The following GRM8 variants were observed in gnomAD, a reference collection of about 807,000 sequenced individuals.
GRM8 encodes metabotropic glutamate receptor 8.
Under a neutral mutation model 87.2 loss-of-function variants are expected in GRM8, and 47 were observed. That is an observed-to-expected ratio of 0.54 (90% CI 0.43 to 0.69). The LOEUF is 0.69. Ranked by LOEUF, GRM8 falls within the 30% of genes least tolerant of loss-of-function variation. The probability of loss-of-function intolerance (pLI) is 0.00; values close to 1 mark genes in which losing one functional copy is unlikely to be tolerated. For missense variants in GRM8, 1,019 were observed against 1,139.2 expected (o/e 0.89, Z 1.52); for synonymous variants, 396 against 404.5 (o/e 0.98, Z 0.25).
intron 3 of GRM8, among the ~76,000 whole-genome samples, chr7:127,053,341 A>T (rs981160819): frequency 1.3e-5 from 2 of 152,228 alleles, no homozygotes. Context: ...AAATCCATTG[A>T]TCTGGCATTG....
chr7:127,041,932 T>G (rs976781446), intron 3 of GRM8, among the ~76,000 whole-genome samples: 1 of 152,182 alleles, frequency 6.6e-6, no homozygotes, highest in South Asian at 2.1e-4. Context: ...TGAGCTCTGA[T>G]TGAGCTCTGT....
chr7:126,931,023 G>A (rs2237775), intron 3 of GRM8, among the ~76,000 whole-genome samples: 16,900 of 152,116 alleles, frequency 0.11, 1,031 homozygotes, highest in East Asian at 0.22. Context: ...ATCCTCTCAA[G>A]GGCAGTGAAA....
At chr7:126,971,953 C>T (rs1328328467) in intron 3 of GRM8, among the ~76,000 whole-genome samples, 1 of 152,162 alleles carries the variant, frequency 6.6e-6, no homozygotes, top group Non-Finnish European at 1.5e-5. Context: ...CCTTCAATCC[C>T]TTTGCCGTAT....
In GRM8 at chr7:126,899,015, T is replaced by A. The variant is rs544898793; in HGVS notation, c.1156+3527A>T. Among the ~76,000 whole-genome samples, 19 of 145,854 alleles carry A rather than the reference T, an allele frequency of 1.3e-4. 1 individual carries two copies. Among genetic ancestry groups the A allele is most frequent in the African/African-American group, 4.8e-4 (19 of 39,374 alleles). On this transcript the variant is annotated intron_variant, in intron 6 of 10. Transcript: ENST00000339582. ...TCATTGTTCAACTCCCACTTACGAG[T>A]GTAAAAAAAAAAAAAGAAAGAAAAT...
At chr7:127,181,808 T>C (rs918843004) in intron 2 of GRM8, among the ~76,000 whole-genome samples, 11 of 152,074 alleles carry the variant, frequency 7.2e-5, no homozygotes, top group Non-Finnish European at 1.5e-4. Context: ...AGAATGAAAC[T>C]GGATCCTCAT....
At chr7:126,894,779 G>A (rs1346213094) in intron 6 of GRM8, among the ~76,000 whole-genome samples, 7 of 152,050 alleles carry the variant, frequency 4.6e-5, no homozygotes, top group Admixed American at 3.3e-4. Flanking sequence ...ATGAAGGAAA[G>A]AAGCAAGTAT....
intron 9 of GRM8, among the ~76,000 whole-genome samples, chr7:126,501,742 G>A (rs1043219187): frequency 4.6e-5 from 7 of 151,966 alleles, no homozygotes; most frequent in Non-Finnish European, 8.8e-5. Flanking sequence ...CAGGCAGGGT[G>A]GCAGTTGGTG....
At chr7:126,502,885 G>C (rs1340990982) in intron 9 of GRM8, among the ~76,000 whole-genome samples, 1 of 151,972 alleles carries the variant, frequency 6.6e-6, no homozygotes, top group African/African-American at 2.4e-5. Flanking sequence ...GTTTCTATGG[G>C]AACAGTCCTG....
At chr7:126,440,619 T>C (rs897196159) in intron 10 of GRM8, among the ~76,000 whole-genome samples, 3 of 152,062 alleles carry the variant, frequency 2.0e-5, no homozygotes, top group Non-Finnish European at 4.4e-5. Context: ...TGTTTAGATA[T>C]ACAAATATCA....
chr7:127,091,869 C>T (rs933900099), intron 3 of GRM8, among the ~76,000 whole-genome samples: 26 of 100,936 alleles, frequency 2.6e-4, no homozygotes, highest in Non-Finnish European at 1.3e-4. Flanking sequence ...ACCCCCCCGC[C>T]GGCCCACTCA....
chr7:127,113,610 G>C (rs1826518104), intron 2 of GRM8, among the ~76,000 whole-genome samples: 1 of 152,070 alleles, frequency 6.6e-6, no homozygotes, highest in Non-Finnish European at 1.5e-5. Context: ...GTTTTTTCCA[G>C]TGAAAGATCA....
chr7:127,185,555 T>C (rs1292091816), intron 2 of GRM8, among the ~76,000 whole-genome samples: 1 of 152,178 alleles, frequency 6.6e-6, no homozygotes, highest in Admixed American at 6.5e-5. Flanking sequence ...CACCTTGAGT[T>C]TGACAACGAA....
At chr7:126,537,072 A>C (rs1051143723) in intron 8 of GRM8, among the ~76,000 whole-genome samples, 4 of 152,334 alleles carry the variant, frequency 2.6e-5, no homozygotes, top group Non-Finnish European at 4.4e-5. Flanking sequence ...ATTTTCCTTG[A>C]CAATTTTTTA....
At position 126,533,165 on chromosome 7, in the gene GRM8, C is replaced by T. The variant is rs150054661; in HGVS notation, c.2217G>A (p.Val739=). 1.1e-4 allele frequency: 178 copies of T among 1,612,670 alleles called. No homozygotes were observed. In the East Asian group the frequency reaches 2.5e-3, roughly 22 times the overall value. Residue 739 remains valine, a synonymous_variant, in exon 9 of 11, where the codon GTG becomes GTA. Coordinates refer to ENST00000339582, the MANE Select transcript of GRM8 (RefSeq NM_000845.3). The stretch of plus-strand genomic sequence containing the variant: ...AGAGATCAGAAATGTCACACTTGAG[C>T]ACTCCCCTGGCCTTCTCTGGATCTA... The part of the protein sequence containing the change: ...RTLDPEKARG[V]LKCDISDLSL...
chr7:126,810,391 A>G (rs1256189530), intron 6 of GRM8, among the ~76,000 whole-genome samples: 1 of 152,150 alleles, frequency 6.6e-6, no homozygotes, highest in Non-Finnish European at 1.5e-5. Flanking sequence ...CTCAAATTCA[A>G]GAGAAGCATC....
chr7:127,105,302 T>C, intron 3 of GRM8: 1 of 152,240 alleles, frequency 6.6e-6, no homozygotes, highest in Non-Finnish European at 1.5e-5. Context: ...TTACAGCAGG[T>C]GTGAACAGTT....
chr7:127,035,015 T>C (rs1262574197), intron 3 of GRM8, among the ~76,000 whole-genome samples: 1 of 152,198 alleles, frequency 6.6e-6, no homozygotes, highest in Non-Finnish European at 1.5e-5. Context: ...TCAGTTTAGA[T>C]TGGTTGCCAG....
chr7:126,689,574 T>C (rs1008181799), intron 7 of GRM8, among the ~76,000 whole-genome samples: 1 of 151,864 alleles, frequency 6.6e-6, no homozygotes, highest in Admixed American at 6.6e-5. Flanking sequence ...AGACTGCCAG[T>C]AGAGTGTATG....
chr7:126,545,978 T>C (rs2150910843), intron 8 of GRM8, among the ~76,000 whole-genome samples: 1 of 152,332 alleles, frequency 6.6e-6, no homozygotes, highest in East Asian at 1.9e-4. Context: ...TTAGCCCATA[T>C]GACTCAACGT....
Sources: allele counts gnomAD v4.1 joint callset (sites outside exome capture counted in the v4.1 genomes callset), GRCh38; gene constraint gnomAD v4.1.1; transcripts MANE v1.5; gene names NCBI Gene and HGNC (gene_info 2026-07-23, HGNC 2026-07-21).